MAP3K13: variants seen among roughly 807,000 people sequenced by gnomAD.
The protein encoded by MAP3K13 is leucine zipper-bearing kinase.
A neutral mutation model predicts 104.0 loss-of-function variants in MAP3K13; 52 were observed. That is an observed-to-expected ratio of 0.50 (90% CI 0.40 to 0.63). The LOEUF is 0.63. MAP3K13 is among the 20% of genes least tolerant of loss of function. The pLI is 0.00. For synonymous variants in MAP3K13, 394 were observed against 442.2 expected (o/e 0.89, Z 1.37); for missense variants, 914 against 1,218.5 (o/e 0.75, Z 3.72).
At chr3:185,302,429 T>A (rs116685534) in intron 2 of MAP3K13, among the ~76,000 whole-genome samples, 2,449 of 152,148 alleles carry the variant, frequency 0.016, 30 homozygotes, top group Non-Finnish European at 0.026. Flanking sequence ...AATAAATAAA[T>A]TAACAAATAA....
chr3:185,482,176 C>T lies in MAP3K13; in HGVS notation c.2800-179C>T, dbSNP rs138015112. On this transcript the variant is annotated intron_variant, in intron 13 of 13. Coordinates refer to ENST00000265026, the MANE Select transcript of MAP3K13 (RefSeq NM_004721.5). The surrounding 1 kb of genome is among the most constrained non-coding windows in gnomAD (Gnocchi z 4.5). The stretch of plus-strand genomic sequence containing the variant: ...GTGTGGTGGGCACTGTTTTTATTGT[C>T]GTAGCAATCATAATCATCATGTGTT... Among the ~76,000 whole-genome samples, 358 of 152,344 alleles carry T rather than the reference C, an allele frequency of 2.3e-3. No homozygotes were observed. Among genetic ancestry groups the T allele is most frequent in the Non-Finnish European group, 3.5e-3 (240 of 68,032 alleles).
intron 2 of MAP3K13, among the ~76,000 whole-genome samples, chr3:185,311,709 A>C (rs1721501248): frequency 6.6e-6 from 1 of 152,228 alleles, no homozygotes; most frequent in Non-Finnish European, 1.5e-5. Context: ...ATTTTGAAAG[A>C]ACTACATTTT....
intron 13 of MAP3K13, among the ~76,000 whole-genome samples, chr3:185,481,059 G>A (rs1718421820): frequency 6.6e-6 from 1 of 152,138 alleles, no homozygotes; most frequent in Non-Finnish European, 1.5e-5. Context: ...GATCAACAGA[G>A]CTCCCAGAAA....
At chr3:185,365,393 T>C (rs1723822317) in intron 1 of MAP3K13, among the ~76,000 whole-genome samples, 1 of 152,228 alleles carries the variant, frequency 6.6e-6, no homozygotes, top group Non-Finnish European at 1.5e-5. Flanking sequence ...ACCAGAGCCA[T>C]GTCCTGGGGA....
At chr3:185,444,621 A>C (rs1355684661) in intron 4 of MAP3K13, among the ~76,000 whole-genome samples, 1 of 152,194 alleles carries the variant, frequency 6.6e-6, no homozygotes, top group Non-Finnish European at 1.5e-5. Flanking sequence ...GCTACCAATC[A>C]CTTTAAGAGG....
chr3:185,466,149 C>T (rs974082639), intron 9 of MAP3K13, among the ~76,000 whole-genome samples: 4 of 152,130 alleles, frequency 2.6e-5, no homozygotes, highest in African/African-American at 9.7e-5. Context: ...ACCGGGGAGC[C>T]GATTGCCCCC....
chr3:185,456,739 C>G (rs1716776683), intron 7 of MAP3K13, among the ~76,000 whole-genome samples: 2 of 151,602 alleles, frequency 1.3e-5, no homozygotes, highest in African/African-American at 2.4e-5. Flanking sequence ...GTAGCTGGGA[C>G]TACAGGCGTG....
chr3:185,456,978 A>G (rs1361170997), intron 7 of MAP3K13, among the ~76,000 whole-genome samples: 1 of 152,200 alleles, frequency 6.6e-6, no homozygotes. Flanking sequence ...TTAAGTCACA[A>G]GCCATTAAGA....
Position 185,418,773 on chromosome 3 carries a change from C to G in MAP3K13, c.-85-9724C>G. 1.9e-6 allele frequency: 3 copies of G among 1,601,968 alleles called. No homozygotes were observed. Among genetic ancestry groups the G allele is most frequent in the Non-Finnish European group, 2.6e-6 (3 of 1,171,286 alleles). On this transcript the variant is annotated intron_variant, in intron 1 of 13. Transcript: ENST00000265026. This position sits in a 1 kb window ranked among gnomAD's most constrained non-coding sequence, Gnocchi z 4.5. ...ACACCGATATCATTGGGCGAGCACACGCCATGGCGGAGAGAGGAGACAGCC... is the reference window on the plus strand; with the variant it reads ...ACACCGATATCATTGGGCGAGCACAGGCCATGGCGGAGAGAGGAGACAGCC...
At chr3:185,414,725 T>A (rs1713646278) in intron 1 of MAP3K13, among the ~76,000 whole-genome samples, 1 of 152,106 alleles carries the variant, frequency 6.6e-6, no homozygotes, top group Non-Finnish European at 1.5e-5. Flanking sequence ...AAACTGGCAA[T>A]GAATTATTTG....
chr3:185,291,510 T>TAATTAATCTGATTAATTAATCTA, intron 2 of MAP3K13: 1 of 1,052,810 alleles, frequency 9.5e-7, no homozygotes, highest in Non-Finnish European at 1.3e-6. Context: ...GCATGGTATC[T>TAATTAATCTGATTAATTAATCTA]AGTAATCTGA....
At chr3:185,476,694 C>G (rs539143526) in intron 11 of MAP3K13, 1 of 152,766 alleles carries the variant, frequency 6.5e-6, no homozygotes, top group African/African-American at 2.4e-5. Context: ...TCCCTTATTG[C>G]TGCCAACATG....
Position 185,445,811 on chromosome 3 carries a change from A to G in MAP3K13, c.852-1978A>G, listed in dbSNP as rs538528200. On this transcript the variant is annotated intron_variant, in intron 4 of 13. Transcript: ENST00000265026. ...AAGATTTCAGAAAAATTCTAATGTT[A>G]TATTTTTCTAGTCTCCTCTCAAGTC... is the stretch of plus-strand genomic sequence containing the variant. Among the ~76,000 whole-genome samples the G allele has an allele frequency of 2.1e-4, 32 of 152,282 alleles. No homozygotes were observed. The South Asian group carries it at 6.4e-3, about 31-fold the overall frequency.
At chr3:185,293,129 T>G in intron 2 of MAP3K13, 1 of 834,840 alleles carries the variant, frequency 1.2e-6, no homozygotes, top group Non-Finnish European at 1.4e-6. Context: ...TTCTTTTTCT[T>G]TTTTTTGAGA....
chr3:185,440,791 T>C (rs1715282166), intron 3 of MAP3K13, among the ~76,000 whole-genome samples: 4 of 152,194 alleles, frequency 2.6e-5, no homozygotes, highest in Admixed American at 2.6e-4. Context: ...CATGGGTTGG[T>C]AGCTGGCTGA....
At chr3:185,432,369 TTAG>T (rs1346872967) in intron 2 of MAP3K13, among the ~76,000 whole-genome samples, 1 of 152,064 alleles carries the variant, frequency 6.6e-6, no homozygotes, top group Admixed American at 6.6e-5. Context: ...TTTTGTGTTT[TTAG>T]TAGAGACAGG....
At chr3:185,380,467 C>T (rs1420456637) in intron 1 of MAP3K13, among the ~76,000 whole-genome samples, 4 of 144,760 alleles carry the variant, frequency 2.8e-5, no homozygotes, top group Admixed American at 2.2e-4. Flanking sequence ...GCCGAGATCA[C>T]GTCACCGCAC....
At chr3:185,406,863 C>T (rs182293348) in intron 1 of MAP3K13, among the ~76,000 whole-genome samples, 131 of 152,140 alleles carry the variant, frequency 8.6e-4, no homozygotes, top group African/African-American at 2.2e-3. Context: ...ACTAATGAAC[C>T]GGCTTGTTTT....
intron 13 of MAP3K13, among the ~76,000 whole-genome samples, chr3:185,481,893 G>A (rs888861039): frequency 6.6e-6 from 1 of 152,162 alleles, no homozygotes; most frequent in East Asian, 1.9e-4. Context: ...AACCATCCTG[G>A]CTAACACAGT....
Sources: gnomAD v4.1 joint callset for allele counts (sites outside exome capture counted in the v4.1 genomes callset) on GRCh38, gnomAD v4.1.1 for gene constraint, Gnocchi (gnomAD v3.1) non-coding constraint, MANE v1.5 for transcripts, NCBI Gene and HGNC (gene_info 2026-07-23, HGNC 2026-07-21) for gene names.